SWT1: variants seen among roughly 807,000 people sequenced by gnomAD.
SWT1 encodes the protein SWT1 RNA endoribonuclease homolog.
A neutral mutation model predicts 107.3 loss-of-function variants in SWT1; 33 were observed. The observed-to-expected ratio is 0.31, with a 90% CI of 0.23 to 0.41. The LOEUF is 0.41. SWT1 is among the 10% of genes least tolerant of loss of function. The pLI, the probability that SWT1 is intolerant of heterozygous loss-of-function variation, is 1.00. For missense variants in SWT1, 898 were observed against 1,028.9 expected (o/e 0.87, Z 1.74); for synonymous variants, 345 against 348.3 (o/e 0.99, Z 0.11).
At chr1:185,222,809 A>G (rs1212645778) in intron 15 of SWT1, among the ~76,000 whole-genome samples, 3 of 150,138 alleles carry the variant, frequency 2.0e-5, no homozygotes, top group Non-Finnish European at 4.4e-5. Context: ...TCTTCTAGCT[A>G]TTTTGTAATG....
intron 9 of SWT1, among the ~76,000 whole-genome samples, chr1:185,187,811 C>A (rs1252754182): frequency 1.3e-5 from 2 of 152,152 alleles, no homozygotes; most frequent in East Asian, 3.9e-4. Flanking sequence ...GCCTCAGCCT[C>A]CTGAGTAGCT....
intron 2 of SWT1, among the ~76,000 whole-genome samples, chr1:185,163,393 CTTT>C (rs575075692): frequency 5.2e-5 from 7 of 134,900 alleles, no homozygotes; most frequent in Admixed American, 7.5e-5. Context: ...TCCATGAAAG[CTTT>C]TTTTTTTTTT....
intron 4 of SWT1, among the ~76,000 whole-genome samples, chr1:185,173,043 A>AG (rs1655219293): frequency 1.9e-5 from 1 of 52,156 alleles, no homozygotes. Flanking sequence ...ACTCCGTCTC[A>AG]AAAAAAAAAA....
At chr1:185,209,800 A>C (rs7556183) in intron 13 of SWT1, among the ~76,000 whole-genome samples, 65,725 of 152,020 alleles carry the variant, frequency 0.43, 15,576 homozygotes, top group African/African-American at 0.64. Flanking sequence ...GAATCACCAC[A>C]CTGTCTTCCA....
chr1:185,198,675 G>A (rs766705719), intron 10 of SWT1, among the ~76,000 whole-genome samples: 16 of 151,590 alleles, frequency 1.1e-4, no homozygotes, highest in South Asian at 2.1e-4. Flanking sequence ...ATTCTTTACC[G>A]TTAAGTAGTG....
intron 7 of SWT1, among the ~76,000 whole-genome samples, chr1:185,182,382 A>G (rs1367402227): frequency 6.6e-6 from 1 of 152,214 alleles, no homozygotes; most frequent in Non-Finnish European, 1.5e-5. Context: ...GAAATAATGC[A>G]GAATAGCTGG....
At position 185,229,735 on chromosome 1, in the gene SWT1, G is replaced by A. The variant is rs114412593; in HGVS notation, c.2310-1842G>A. 6.2e-3 allele frequency among the ~76,000 whole-genome samples: 936 copies of A among 151,874 alleles called. 8 individuals carry two copies. Among genetic ancestry groups the A allele is most frequent in the Middle Eastern group, 0.024 (7 of 294 alleles). On this transcript the variant is annotated intron_variant, in intron 15 of 18. Coordinates refer to ENST00000367500, the MANE Select transcript of SWT1 (RefSeq NM_017673.7). ...CTTATCTCTGGTTGGTAGACTGTGG[G>A]TATTACATATTCTCTTTTTACATTC...
At chr1:185,246,451 G>A (rs1045875337) in intron 16 of SWT1, among the ~76,000 whole-genome samples, 1 of 151,450 alleles carries the variant, frequency 6.6e-6, no homozygotes. Flanking sequence ...TAACTTTTGT[G>A]TTTTTTGTAG....
chr1:185,186,490 CA>C (rs1262935153), intron 9 of SWT1, among the ~76,000 whole-genome samples: 2 of 151,814 alleles, frequency 1.3e-5, no homozygotes, highest in Non-Finnish European at 2.9e-5. Context: ...ATTTATGTAA[CA>C]AAAAAATTAG....
chr1:185,280,856 G>T, intron 18 of SWT1: 1 of 435,534 alleles, frequency 2.3e-6, no homozygotes. Context: ...GCCAGAGCTG[G>T]CGGTGCAGAA....
In SWT1 at chr1:185,206,659, A is replaced by G. The variant is rs995774228; in HGVS notation, c.1868A>G (p.His623Arg). 1 of 1,606,452 alleles carries G rather than the reference A, an allele frequency of 6.2e-7. No homozygotes were observed. The highest frequency in any genetic ancestry group is 1.3e-5 in the African/African-American group (1 of 74,650). Residue 623 changes from histidine (H) to arginine (R), a missense_variant, in exon 13 of 19, where the codon CAT becomes CGT. His to Arg is a conservative substitution (Grantham distance 29). Around this residue, in one of 6 missense-constraint regions of SWT1, gnomAD observed 382 missense variants for 460.0 expected, o/e 0.83. Transcript: ENST00000367500. ...LYLKPPWTLL[H>R]LLQCFKKHWL... Reference sequence around the variant, plus strand: ...CTGAAACCACCATGGACTCTACTACATTTACTACAGTGCTTTAAAAAACAT... The same window carrying G: ...CTGAAACCACCATGGACTCTACTACGTTTACTACAGTGCTTTAAAAAACAT...
At chr1:185,247,260 T>C (rs1661681568) in intron 16 of SWT1, among the ~76,000 whole-genome samples, 2 of 152,162 alleles carry the variant, frequency 1.3e-5, no homozygotes, top group South Asian at 4.1e-4. Context: ...CCTTATCCCC[T>C]GGATACTTCA....
chr1:185,246,675 G>T (rs1315685770), intron 16 of SWT1, among the ~76,000 whole-genome samples: 2 of 140,362 alleles, frequency 1.4e-5, no homozygotes, highest in Non-Finnish European at 3.0e-5. Flanking sequence ...TGTCATCCAG[G>T]CTACGGTGCA....
chr1:185,272,457 C>T (rs564089558), intron 17 of SWT1, among the ~76,000 whole-genome samples: 1 of 152,236 alleles, frequency 6.6e-6, no homozygotes, highest in South Asian at 2.1e-4. Flanking sequence ...AAATATATTT[C>T]TTCACTTTTA....
intron 9 of SWT1, 121 bp from the exon 10 acceptor site, chr1:185,190,428 T>C (rs1233449016): frequency 3.2e-6 from 2 of 617,348 alleles, no homozygotes; most frequent in Non-Finnish European, 5.9e-6. Flanking sequence ...CATCATAGTA[T>C]CATACCTTAA....
chr1:185,227,207 C>A, intron 15 of SWT1: 2 of 835,284 alleles, frequency 2.4e-6, no homozygotes, highest in African/African-American at 3.3e-5. Context: ...CCACAGCTCC[C>A]TTCAGGGTGC....
At chr1:185,241,637 T>C (rs899933359) in intron 16 of SWT1, among the ~76,000 whole-genome samples, 2 of 152,308 alleles carry the variant, frequency 1.3e-5, no homozygotes, top group Non-Finnish European at 2.9e-5. Flanking sequence ...GAAACTGTCT[T>C]ACTTTTCTGT....
At chr1:185,225,084 A>C (rs149746185) in intron 15 of SWT1, among the ~76,000 whole-genome samples, 52 of 152,246 alleles carry the variant, frequency 3.4e-4, no homozygotes, top group Non-Finnish European at 6.6e-4. Context: ...GCATTGAGGT[A>C]TGCTCCTTCT....
At chr1:185,228,167 G>GTATATATATATA (rs1157576166) in intron 15 of SWT1, among the ~76,000 whole-genome samples, 4 of 61,562 alleles carry the variant, frequency 6.5e-5, no homozygotes, top group African/African-American at 4.3e-4. Flanking sequence ...AAAAAAAAAT[G>GTATATATATATA]TGTATATATA....
Sources: gnomAD v4.1 joint callset for allele counts (sites outside exome capture counted in the v4.1 genomes callset) on GRCh38, gnomAD v4.1.1 for gene constraint, gnomAD v4.1.1 regional missense constraint, MANE v1.5 for transcripts, NCBI Gene and HGNC (gene_info 2026-07-23, HGNC 2026-07-21) for gene names.